RAG1: variants seen among roughly 807,000 people sequenced by gnomAD.
The protein encoded by RAG1 is V(D)J recombination-activating protein 1.
In RAG1, 35 loss-of-function variants were observed where a neutral mutation model predicts 62.7. The observed-to-expected ratio is 0.56, with a 90% CI of 0.43 to 0.74. RAG1 has a LOEUF of 0.74. Ranked by LOEUF, RAG1 falls within the 30% of genes least tolerant of loss-of-function variation. The probability of loss-of-function intolerance (pLI) is 0.00; values close to 1 mark genes in which losing one functional copy is unlikely to be tolerated. For missense variants in RAG1, 1,169 were observed against 1,278.6 expected, an observed-to-expected ratio of 0.91 and a Z score of 1.31; for synonymous variants, 461 against 470.3, an observed-to-expected ratio of 0.98 and a Z score of 0.26.
At chr11:36,543,982 G>A (rs1041005738) in intron 3 of RAG1, among the ~76,000 whole-genome samples, 2 of 152,198 alleles carry the variant, frequency 1.3e-5, no homozygotes, top group African/African-American at 2.4e-5. Context: ...GAGAAATTGA[G>A]AAGATAGTAC....
At chr11:36,559,983 C>T (rs1396925748) in intron 3 of RAG1, among the ~76,000 whole-genome samples, 3 of 152,152 alleles carry the variant, frequency 2.0e-5, no homozygotes, top group African/African-American at 7.2e-5. Context: ...GGAGCAGTTG[C>T]CTCTTCCAAT....
rs1194719064 is a variant in RAG1, at chr11:36,579,143, C to G, written c.*2707C>G. The G allele has an allele frequency of 6.0e-6, 1 of 166,950 alleles. No homozygotes were observed. The highest frequency in any genetic ancestry group is 2.4e-5 in the African/African-American group (1 of 41,404). 10.3% of individuals were successfully genotyped at this position (166,950 alleles called of 1,614,324 possible). On this transcript the variant is annotated 3_prime_UTR_variant, in exon 2 of 2. Transcript: ENST00000299440. ...TTTAGTTTTGCCTCAGATTTTTTTC[C>G]CACAAGATACAGAAGAAGATAAAGA...
Position 36,574,264 on chromosome 11 carries a change from C to T in RAG1, c.960C>T (p.Cys320=). ...TTTGCCGGGTCTGCATTCTCAGATG[C>T]CTCAAAGTCATGGGCAGCTATTGTC... ...HVFCRVCILR[C]LKVMGSYCPS... is the part of the protein sequence containing the mutation. Residue 320 remains cysteine (C), a synonymous_variant, in exon 2 of 2, where the codon TGC becomes TGT. Coordinates refer to ENST00000299440, the MANE Select transcript of RAG1 (RefSeq NM_000448.3). 3 of 1,614,176 alleles carry T rather than the reference C, an allele frequency of 1.9e-6. No homozygotes were observed. The highest frequency in any genetic ancestry group is 2.5e-6 in the Non-Finnish European group (3 of 1,180,038).
chr11:36,560,940 G>T (rs1369200685), intron 3 of RAG1, among the ~76,000 whole-genome samples: 1 of 152,232 alleles, frequency 6.6e-6, no homozygotes, highest in Non-Finnish European at 1.5e-5. Context: ...TACTCAAAGT[G>T]TAGTTATTTG....
chr11:36,579,037 A>G lies in RAG1; in HGVS notation c.*2601A>G, dbSNP rs1027134601. The G allele has an allele frequency of 6.0e-6, 1 of 167,122 alleles. No individual in the cohort carries two copies. The highest frequency in any genetic ancestry group is 6.5e-5 in the Admixed American group (1 of 15,284). 10.4% of individuals were successfully genotyped at this position (167,122 alleles called of 1,614,324 possible). On this transcript the variant is annotated 3_prime_UTR_variant, in exon 2 of 2. Coordinates refer to ENST00000299440, the MANE Select transcript of RAG1 (RefSeq NM_000448.3). ...TTGATGATTGGTCAGTGAGGTCAAA[A>G]GGAGCCTTGGGATTAATAAACATGC...
intron 2 of RAG1, among the ~76,000 whole-genome samples, chr11:36,533,843 T>G (rs1860289291): frequency 6.6e-6 from 1 of 152,058 alleles, no homozygotes; most frequent in African/African-American, 2.4e-5. Flanking sequence ...ATTAATTATA[T>G]TTAATTATTT....
chr11:36,547,348 G>GA (rs370031904), intron 3 of RAG1, among the ~76,000 whole-genome samples: 482 of 152,064 alleles, frequency 3.2e-3, no homozygotes, highest in African/African-American at 0.01. Context: ...CTGGTTTTTT[G>GA]AAAAGATCAA....
downstream of RAG1, among the ~76,000 whole-genome samples, chr11:36,540,226 G>A (rs1422396081): frequency 6.6e-6 from 1 of 152,032 alleles, no homozygotes; most frequent in Non-Finnish European, 1.5e-5. Flanking sequence ...TACTGAAATT[G>A]CCTGCTGTAA....
downstream of RAG1, among the ~76,000 whole-genome samples, chr11:36,539,013 AT>A (rs1462245802): frequency 6.6e-6 from 1 of 152,038 alleles, no homozygotes; most frequent in Non-Finnish European, 1.5e-5. Context: ...CTCTGCAAAA[AT>A]TGATGAATGG....
chr11:36,562,513 T>C (rs1850604300), intron 3 of RAG1, among the ~76,000 whole-genome samples: 1 of 152,208 alleles, frequency 6.6e-6, no homozygotes, highest in Non-Finnish European at 1.5e-5. Context: ...GTTACGGCAC[T>C]CCAACACCTG....
chr11:36,575,796 G>T lies in RAG1; in HGVS notation c.2492G>T (p.Arg831Met), dbSNP rs753382928. The T allele has an allele frequency of 6.8e-6, 11 of 1,614,130 alleles. 1 individual carries two copies. In the Admixed American group the frequency reaches 1.3e-4, roughly 20 times the overall value. Residue 831 changes from arginine to methionine, a missense_variant, in exon 2 of 2, where the codon AGG becomes ATG. Transcript: ENST00000299440. The surrounding 1 kb of genome is among the most constrained non-coding windows in gnomAD (Gnocchi z 4.1). ...NPNASKEERK[R>M]WQATLDKHLR... is the part of the protein sequence containing the mutation. ...AATGCTTCCAAAGAGGAAAGGAAAA[G>T]GTGGCAGGCCACACTGGACAAGCAT... is the stretch of plus-strand genomic sequence containing the variant.
At chr11:36,572,522 T>C (rs945133531) in intron 1 of RAG1, among the ~76,000 whole-genome samples, 3 of 152,232 alleles carry the variant, frequency 2.0e-5, no homozygotes, top group African/African-American at 7.2e-5. Context: ...TCTGAAACCA[T>C]GTGAATTTTT....
chr11:36,574,401 A>G lies in RAG1; in HGVS notation c.1097A>G (p.Glu366Gly), dbSNP rs746891973. Residue 366 changes from glutamate (E) to glycine (G), a missense_variant, in exon 2 of 2, where the codon GAG becomes GGG. By Grantham distance (98) the Glu-to-Gly change is moderately conservative. Coordinates refer to ENST00000299440, the MANE Select transcript of RAG1 (RefSeq NM_000448.3). ...TGTCCAGCAAAAGAGTGCAATGAGG[A>G]GGTCAGTTTGGAAAAATATAATCAC... The part of the protein sequence containing the change: ...VKCPAKECNE[E>G]VSLEKYNHHI... 6.2e-7 allele frequency: 1 copy of G among 1,614,212 alleles called. No individual in the cohort carries two copies. Among genetic ancestry groups the G allele is most frequent in the Non-Finnish European group, 8.5e-7 (1 of 1,180,038 alleles).
chr11:36,561,215 C>T (rs755210185), intron 3 of RAG1, among the ~76,000 whole-genome samples: 2 of 152,184 alleles, frequency 1.3e-5, no homozygotes, highest in African/African-American at 4.8e-5. Context: ...TTTCTTGGGG[C>T]TTCTTTACAC....
rs1193424034 is a variant in RAG1, at chr11:36,574,064, C to T, written c.760C>T (p.Gln254Ter). ...AGCCCGTCAGCACAAGAGAAGAGCT[C>T]AGGCAAGGATCAGCAGCAAGGATGT... ...RQARQHKRRA[Q>*]ARISSKDVMK... Residue 254 changes from glutamine to a stop codon, truncating the protein, a stop_gained, in exon 2 of 2, where the codon CAG (glutamine) becomes TAG (stop). Coordinates refer to ENST00000299440, the MANE Select transcript of RAG1 (RefSeq NM_000448.3). LOFTEE classifies it high-confidence loss of function. The T allele has an allele frequency of 6.2e-7, 1 of 1,614,172 alleles. No homozygotes were observed. Among genetic ancestry groups the T allele is most frequent in the Non-Finnish European group, 8.5e-7 (1 of 1,180,044 alleles).
chr11:36,566,509 T>A (rs1006486145), upstream of RAG1: 7 of 152,196 alleles, frequency 4.6e-5, no homozygotes, highest in Non-Finnish European at 1.0e-4. Context: ...ATGCAAGATT[T>A]TAAGGAGCAG....
chr11:36,574,136 C>G lies in RAG1; in HGVS notation c.832C>G (p.Leu278Val), dbSNP rs770722305. The change falls in exon 2 of 2, where the codon CTC becomes GTC. Residue 278 changes from leucine (L) to valine (V), a missense_variant. By Grantham distance (32) the Leu-to-Val change is conservative. This residue lies in a region of RAG1 where 800 missense variants were observed against 943.3 expected (regional missense o/e 0.85). Transcript: ENST00000299440. ...NCSKIHLSTK[L>V]LAVDFPEHFV... ...CAGTAAGATACATCTTAGTACCAAG[C>G]TCCTTGCAGTGGACTTCCCAGAGCA... 2 of 1,614,216 alleles carry G rather than the reference C, an allele frequency of 1.2e-6. No homozygotes were observed. Among genetic ancestry groups the G allele is most frequent in the African/African-American group, 2.7e-5 (2 of 75,056 alleles).
chr11:36,544,828 A>G (rs1166854741), intron 3 of RAG1, among the ~76,000 whole-genome samples: 7 of 152,040 alleles, frequency 4.6e-5, no homozygotes, highest in Non-Finnish European at 1.0e-4. Context: ...TTCTCATGAG[A>G]TCTGATGGTT....
At chr11:36,518,500 T>C (rs1339969247) in intron 1 of RAG1, among the ~76,000 whole-genome samples, 10 of 152,240 alleles carry the variant, frequency 6.6e-5, no homozygotes, top group Admixed American at 5.2e-4. Flanking sequence ...TCTCCAGCAC[T>C]TGTTGTTTCC....
Sources: allele counts gnomAD v4.1 joint callset (sites outside exome capture counted in the v4.1 genomes callset), GRCh38; gene constraint gnomAD v4.1.1; regional missense constraint gnomAD v4.1.1; non-coding constraint Gnocchi (gnomAD v3.1); transcripts MANE v1.5; gene names NCBI Gene and HGNC (gene_info 2026-07-23, HGNC 2026-07-21).